Variants in USP34 observed in about 807,000 individuals in gnomAD.
USP34 encodes the protein ubiquitin specific peptidase 34, also known as ubiquitin carboxyl-terminal hydrolase 34.
Under a neutral mutation model 460.3 loss-of-function variants are expected in USP34, and 70 were observed. That is an observed-to-expected ratio of 0.15 (90% CI 0.13 to 0.19). USP34 has a LOEUF of 0.19. USP34 is among the 10% of genes least tolerant of loss of function. The probability of loss-of-function intolerance (pLI) is 1.00; values close to 1 mark genes in which losing one functional copy is unlikely to be tolerated. For missense variants in USP34, 3,985 were observed against 4,236.2 expected (o/e 0.94, Z 1.65); for synonymous variants, 1,647 against 1,405.3 (o/e 1.17, Z -3.85).
intron 16 of USP34, among the ~76,000 whole-genome samples, chr2:61,340,412 G>A (rs1214588175): frequency 6.6e-6 from 1 of 151,940 alleles, no homozygotes; most frequent in African/African-American, 2.4e-5. Flanking sequence ...CTTTCTCTTG[G>A]GTAAATACTA....
At chr2:61,379,241 A>AGGTGG (rs905888732) in intron 7 of USP34, among the ~76,000 whole-genome samples, 1 of 152,200 alleles carries the variant, frequency 6.6e-6, no homozygotes, top group Admixed American at 6.5e-5. Context: ...TAATGTGGCC[A>AGGTGG]GGTGGGGTGG....
At chr2:61,294,662 C>T (rs1447266129) in intron 32 of USP34, among the ~76,000 whole-genome samples, 1 of 152,100 alleles carries the variant, frequency 6.6e-6, no homozygotes, top group Non-Finnish European at 1.5e-5. Context: ...CTCAAGTGAT[C>T]CATCCGTCTC....
chr2:61,265,350 T>C, intron 43 of USP34, 47 bp downstream of exon 43: 2 of 1,558,764 alleles, frequency 1.3e-6, no homozygotes, highest in African/African-American at 1.4e-5. Flanking sequence ...AACAAAATAT[T>C]AAAATCTGGT....
At chr2:61,349,712 G>T (rs1287000406) in intron 12 of USP34, among the ~76,000 whole-genome samples, 1 of 151,972 alleles carries the variant, frequency 6.6e-6, no homozygotes, top group East Asian at 1.9e-4. Flanking sequence ...GTGGTGGCGG[G>T]CACCTGTAGT....
At chr2:61,463,646 C>T (rs867265307) in intron 1 of USP34, among the ~76,000 whole-genome samples, 2 of 152,032 alleles carry the variant, frequency 1.3e-5, no homozygotes, top group African/African-American at 2.4e-5. Context: ...CCATCCTGGC[C>T]AACATGGTGA....
chr2:61,350,337 G>T lies in USP34; in HGVS notation c.1430C>A (p.Ala477Glu), dbSNP rs1391719889. 1 of 1,613,566 alleles carries T rather than the reference G, an allele frequency of 6.2e-7. No individual in the cohort carries two copies. Among genetic ancestry groups the T allele is most frequent in the African/African-American group, 1.3e-5 (1 of 74,904 alleles). Residue 477 changes from alanine to glutamate, a missense_variant, in exon 12 of 80, where the codon GCA (alanine) becomes GAA (glutamate). By Grantham distance (107) the Ala-to-Glu change is moderately radical. Coordinates refer to ENST00000398571, the MANE Select transcript of USP34 (RefSeq NM_014709.4). ...LIKALWNNAL[A>E]AKAQLSKQSS... ...CTGTTTAGATAACTGAGCCTTAGCTGCTAGTGCGTTATTCCACAGTGCTTT... is the reference window on the plus strand; with the variant it reads ...CTGTTTAGATAACTGAGCCTTAGCTTCTAGTGCGTTATTCCACAGTGCTTT...
chr2:61,421,606 T>C (rs2103974404), intron 1 of USP34, among the ~76,000 whole-genome samples: 1 of 152,354 alleles, frequency 6.6e-6, no homozygotes, highest in South Asian at 2.1e-4. Context: ...GCTTTCTTAC[T>C]GTTTCTTTAT....
chr2:61,450,893 A>AG (rs963899310), intron 1 of USP34, among the ~76,000 whole-genome samples: 159 of 151,322 alleles, frequency 1.1e-3, no homozygotes, highest in Non-Finnish European at 2.1e-3. Context: ...ATGCAAAAAA[A>AG]AAAAAAAAGG....
chr2:61,202,195 C>T (rs1459821335), intron 75 of USP34, among the ~76,000 whole-genome samples: 1 of 152,172 alleles, frequency 6.6e-6, no homozygotes, highest in Non-Finnish European at 1.5e-5. Flanking sequence ...AGGGTCACAT[C>T]TTCTGCCCTA....
At chr2:61,342,890 T>G (rs1351486779) in intron 16 of USP34, among the ~76,000 whole-genome samples, 8 of 152,180 alleles carry the variant, frequency 5.3e-5, no homozygotes, top group Admixed American at 2.0e-4. Context: ...TGGTAACAAT[T>G]TACAAATATG....
At chr2:61,377,203 T>C (rs1055470558) in intron 8 of USP34, among the ~76,000 whole-genome samples, 2 of 152,156 alleles carry the variant, frequency 1.3e-5, no homozygotes, top group African/African-American at 4.8e-5. Flanking sequence ...AGAGACAGTC[T>C]CTGGTTTCCA....
At chr2:61,470,163 G>A (rs1253513900) in intron 1 of USP34, among the ~76,000 whole-genome samples, 1 of 152,192 alleles carries the variant, frequency 6.6e-6, no homozygotes, top group Non-Finnish European at 1.5e-5. Flanking sequence ...CCGCAAGGGA[G>A]GGAAAAACCA....
At chr2:61,438,182 A>G (rs1694868473) in intron 1 of USP34, among the ~76,000 whole-genome samples, 1 of 152,230 alleles carries the variant, frequency 6.6e-6, no homozygotes, top group Non-Finnish European at 1.5e-5. Context: ...ACCCAGGAAT[A>G]CAAGGATAAT....
intron 53 of USP34, among the ~76,000 whole-genome samples, chr2:61,239,300 T>TCACTCACACACACACACACACACACA (rs1553355588): frequency 7.5e-6 from 1 of 132,768 alleles, no homozygotes; most frequent in African/African-American, 2.9e-5. Flanking sequence ...GAGGGCCCTG[T>TCACTCACACACACACACACACACACA]CACACACACA....
intron 10 of USP34, among the ~76,000 whole-genome samples, chr2:61,358,137 A>G (rs1692161294): frequency 6.6e-6 from 1 of 152,132 alleles, no homozygotes. Flanking sequence ...GGCTGCAGTG[A>G]ACCAAGATTG....
intron 5 of USP34, among the ~76,000 whole-genome samples, chr2:61,394,238 C>A (rs190038497): frequency 6.6e-6 from 1 of 152,144 alleles, no homozygotes; most frequent in Non-Finnish European, 1.5e-5. Flanking sequence ...ATGTTACAAT[C>A]TTCATGTGTA....
intron 1 of USP34, among the ~76,000 whole-genome samples, chr2:61,465,128 A>T (rs1695722919): frequency 6.6e-6 from 1 of 151,232 alleles, no homozygotes; most frequent in Non-Finnish European, 1.5e-5. Context: ...CTAACACTAA[A>T]GCCAAATATG....
chr2:61,230,390 G>C (rs1179363222), intron 58 of USP34, among the ~76,000 whole-genome samples: 1 of 152,178 alleles, frequency 6.6e-6, no homozygotes, highest in Non-Finnish European at 1.5e-5. Context: ...GCCGGGCGTG[G>C]TGGTGGGCAC....
At chr2:61,354,476 C>T (rs1259696176) in intron 10 of USP34, among the ~76,000 whole-genome samples, 2 of 152,174 alleles carry the variant, frequency 1.3e-5, no homozygotes, top group Non-Finnish European at 2.9e-5. Flanking sequence ...CTTACACCTG[C>T]CCCATAAAAA....
Sources: allele counts gnomAD v4.1 joint callset (sites outside exome capture counted in the v4.1 genomes callset), GRCh38; gene constraint gnomAD v4.1.1; transcripts MANE v1.5; gene names NCBI Gene and HGNC (gene_info 2026-07-23, HGNC 2026-07-21).